Variants in GPATCH2 observed in about 807,000 individuals in gnomAD.
The protein encoded by GPATCH2 is G-patch domain containing 2.
Under a neutral mutation model 58.0 loss-of-function variants are expected in GPATCH2, and 51 were observed. The observed-to-expected ratio is 0.88, with a 90% CI of 0.70 to 1.11. The LOEUF (loss-of-function observed/expected upper bound fraction) is 1.11, where lower values mean the gene tolerates loss of function less well. GPATCH2 is among the 50% of genes most tolerant of loss of function. The pLI is 0.00. For missense variants in GPATCH2, 625 were observed against 652.2 expected (o/e 0.96, Z 0.45); for synonymous variants, 222 against 218.5 (o/e 1.02, Z -0.14).
intron 5 of GPATCH2, among the ~76,000 whole-genome samples, chr1:217,568,934 A>C (rs1023412558): frequency 6.6e-6 from 1 of 152,184 alleles, no homozygotes; most frequent in African/African-American, 2.4e-5. Context: ...TAGAACAAGA[A>C]GGTGGAGCTG....
chr1:217,504,769 G>T (rs1662470419), intron 6 of GPATCH2, among the ~76,000 whole-genome samples: 1 of 152,054 alleles, frequency 6.6e-6, no homozygotes, highest in African/African-American at 2.4e-5. Context: ...TCATGTTTTG[G>T]GGGCATAATG....
intron 5 of GPATCH2, among the ~76,000 whole-genome samples, chr1:217,526,734 A>G (rs1663926353): frequency 6.6e-6 from 1 of 152,234 alleles, no homozygotes; most frequent in African/African-American, 2.4e-5. Context: ...TGTTTATAGC[A>G]GGGAACCCCA....
intron 8 of GPATCH2, among the ~76,000 whole-genome samples, chr1:217,470,002 T>C (rs1277247661): frequency 6.6e-6 from 1 of 152,186 alleles, no homozygotes; most frequent in Non-Finnish European, 1.5e-5. Flanking sequence ...GATCCCCAAA[T>C]GTACCCATAA....
chr1:217,529,787 TAAAG>T (rs927876320), intron 5 of GPATCH2, among the ~76,000 whole-genome samples: 5 of 152,062 alleles, frequency 3.3e-5, no homozygotes, highest in Admixed American at 6.6e-5. Context: ...ATGTAGTAAA[TAAAG>T]AAGGTATATT....
At chr1:217,529,752 G>A (rs1361633986) in intron 5 of GPATCH2, among the ~76,000 whole-genome samples, 1 of 152,130 alleles carries the variant, frequency 6.6e-6, no homozygotes, top group African/African-American at 2.4e-5. Context: ...GGCACTAACA[G>A]TCAGAAGCTC....
chr1:217,577,271 C>T (rs1037213925), intron 5 of GPATCH2, among the ~76,000 whole-genome samples: 1 of 152,122 alleles, frequency 6.6e-6, no homozygotes, highest in South Asian at 2.1e-4. Flanking sequence ...AAGAATAATA[C>T]AACTCAACTG....
At chr1:217,477,468 T>C (rs193183363) in intron 8 of GPATCH2, among the ~76,000 whole-genome samples, 55 of 151,788 alleles carry the variant, frequency 3.6e-4, no homozygotes, top group African/African-American at 1.3e-3. Flanking sequence ...TTTTTGGACC[T>C]GTCCTGGGCC....
chr1:217,482,301 C>T (rs186712701), intron 8 of GPATCH2, among the ~76,000 whole-genome samples: 116 of 152,090 alleles, frequency 7.6e-4, no homozygotes, highest in Non-Finnish European at 1.1e-3. Context: ...CATGTATTCA[C>T]GAAGCTTAAA....
At chr1:217,465,306 G>A (rs561883183) in intron 8 of GPATCH2, among the ~76,000 whole-genome samples, 20 of 152,186 alleles carry the variant, frequency 1.3e-4, no homozygotes, top group Non-Finnish European at 2.4e-4. Flanking sequence ...TGATAGCTAC[G>A]GAAGATAGGC....
intron 8 of GPATCH2, among the ~76,000 whole-genome samples, chr1:217,482,992 T>C (rs1661286228): frequency 6.6e-6 from 1 of 152,202 alleles, no homozygotes; most frequent in South Asian, 2.1e-4. Context: ...GAATTTTACA[T>C]AAATGTGTTA....
At chr1:217,540,916 T>C (rs954596393) in intron 5 of GPATCH2, among the ~76,000 whole-genome samples, 2 of 152,304 alleles carry the variant, frequency 1.3e-5, no homozygotes, top group African/African-American at 4.8e-5. Flanking sequence ...TACGGCATTG[T>C]GCACAAATTT....
intron 5 of GPATCH2, among the ~76,000 whole-genome samples, chr1:217,538,248 C>A (rs1664572847): frequency 6.6e-6 from 1 of 152,162 alleles, no homozygotes; most frequent in Non-Finnish European, 1.5e-5. Flanking sequence ...AGGTTCATGA[C>A]AAGTTAGCTG....
intron 8 of GPATCH2, among the ~76,000 whole-genome samples, chr1:217,468,253 A>G (rs565299170): frequency 6.6e-6 from 1 of 152,278 alleles, no homozygotes; most frequent in Admixed American, 6.5e-5. Context: ...ATCATGGCAA[A>G]TAAATCACGG....
chr1:217,491,862 C>CTTTTTTTTTTTTT (rs34921892), intron 7 of GPATCH2, 112 bp from the exon 8 acceptor site: 1 of 320,698 alleles, frequency 3.1e-6, no homozygotes. Context: ...ATTTGCACGG[C>CTTTTTTTTTTTTT]TTTTTTTTTT....
At position 217,427,025 on chromosome 1, in the gene GPATCH2, A is replaced by T. The variant is rs570959694; in HGVS notation, c.*4120T>A. The T allele has an allele frequency of 6.6e-6, 1 of 152,312 alleles. No homozygotes were observed. Among genetic ancestry groups the T allele is most frequent in the East Asian group, 1.9e-4 (1 of 5,188 alleles). 9.4% of individuals were successfully genotyped at this position (152,312 alleles called of 1,614,324 possible). A position where few individuals can be genotyped will look rare whatever the true frequency, so the allele number is the denominator to read the frequency against. The stretch of plus-strand genomic sequence containing the variant: ...GAGAAAAGATAAGTTTAATCAACAT[A>T]GTGAAATGCCTCTTACAGCAAACAA... On this transcript the variant is annotated 3_prime_UTR_variant, in exon 10 of 10. Transcript: ENST00000366935.
intron 7 of GPATCH2, 139 bp downstream of exon 7, chr1:217,498,217 C>T (rs536230956): frequency 1.5e-5 from 12 of 783,636 alleles, no homozygotes; most frequent in Middle Eastern, 3.0e-4. Flanking sequence ...TGTATTTAAT[C>T]GTTGACATAA....
At chr1:217,452,574 T>A (rs1230184217) in intron 8 of GPATCH2, among the ~76,000 whole-genome samples, 1 of 152,194 alleles carries the variant, frequency 6.6e-6, no homozygotes, top group African/African-American at 2.4e-5. Context: ...ATTGCCTTTA[T>A]AACTATTTTT....
intron 8 of GPATCH2, among the ~76,000 whole-genome samples, chr1:217,451,916 T>A (rs187940834): frequency 6.6e-6 from 1 of 152,296 alleles, no homozygotes; most frequent in East Asian, 1.9e-4. Context: ...TTTTCTATAC[T>A]TGCTGAACGA....
At chr1:217,498,846 C>T (rs1197188537) in intron 6 of GPATCH2, 1 of 211,730 alleles carries the variant, frequency 4.7e-6, no homozygotes, top group African/African-American at 2.4e-5. Flanking sequence ...ATACACAAAG[C>T]CCTTGATATG....
Sources: allele counts gnomAD v4.1 joint callset (sites outside exome capture counted in the v4.1 genomes callset), GRCh38; gene constraint gnomAD v4.1.1; transcripts MANE v1.5; gene names NCBI Gene and HGNC (gene_info 2026-07-23, HGNC 2026-07-21).